Variants in POU2F1 observed in about 807,000 individuals in gnomAD.
The protein encoded by POU2F1 is POU domain, class 2, transcription factor 1.
POU2F1 carries 16 observed loss-of-function variants against 84.9 expected under a neutral mutation model. The ratio of observed to expected loss-of-function variants is 0.19; its 90% CI spans 0.13 to 0.29. The LOEUF is 0.29. POU2F1 is among the 10% of genes least tolerant of loss of function. The pLI, the probability that POU2F1 is intolerant of heterozygous loss-of-function variation, is 1.00. For synonymous variants in POU2F1, 368 were observed against 368.3 expected, an observed-to-expected ratio of 1.00 and a Z score of 0.01; for missense variants, 738 against 942.6, an observed-to-expected ratio of 0.78 and a Z score of 2.84.
chr1:167,357,073 A>C (rs1449430367), intron 2 of POU2F1, among the ~76,000 whole-genome samples: 1 of 152,084 alleles, frequency 6.6e-6, no homozygotes, highest in Non-Finnish European at 1.5e-5. Flanking sequence ...CCATTAGGAA[A>C]TGGCCTTTCC....
chr1:167,349,609 T>C (rs1320728482), intron 2 of POU2F1, among the ~76,000 whole-genome samples: 2 of 152,200 alleles, frequency 1.3e-5, no homozygotes, highest in Non-Finnish European at 2.9e-5. Flanking sequence ...AGTTAATGAA[T>C]AGGCCTGAGA....
intron 2 of POU2F1, among the ~76,000 whole-genome samples, chr1:167,354,789 G>A (rs1658828629): frequency 1.3e-5 from 2 of 152,104 alleles, no homozygotes; most frequent in Non-Finnish European, 2.9e-5. Flanking sequence ...CAAGCAGATT[G>A]AACATCTTTT....
At chr1:167,319,842 C>A (rs1006968540) in intron 1 of POU2F1, among the ~76,000 whole-genome samples, 1 of 152,088 alleles carries the variant, frequency 6.6e-6, no homozygotes, top group African/African-American at 2.4e-5. Context: ...GGATTAACTC[C>A]TCCTGTAAAA....
intron 1 of POU2F1, among the ~76,000 whole-genome samples, chr1:167,330,049 G>A (rs1656980565): frequency 6.6e-6 from 1 of 152,076 alleles, no homozygotes; most frequent in Non-Finnish European, 1.5e-5. Context: ...ATAAATCAAG[G>A]CACTTTGATT....
intron 8 of POU2F1, chr1:167,387,040 G>A (rs1648031970): frequency 5.2e-6 from 2 of 383,078 alleles, no homozygotes; most frequent in Non-Finnish European, 5.2e-6. Flanking sequence ...TGAATATGCT[G>A]AATGCAAGAG....
chr1:167,370,301 A>G (rs781390338), intron 4 of POU2F1, 87 bp downstream of exon 4: 293 of 1,110,654 alleles, frequency 2.6e-4, no homozygotes, highest in Non-Finnish European at 3.5e-4. Flanking sequence ...TATAATAGGA[A>G]ATGCTTAGAA....
intron 1 of POU2F1, among the ~76,000 whole-genome samples, chr1:167,300,606 A>G (rs908813261): frequency 6.6e-6 from 1 of 152,074 alleles, no homozygotes; most frequent in African/African-American, 2.4e-5. Context: ...CTGGGACTAC[A>G]GGTGCACGCC....
intron 6 of POU2F1, 47 bp downstream of exon 6, chr1:167,374,343 T>C: frequency 6.7e-7 from 1 of 1,502,132 alleles, no homozygotes; most frequent in Non-Finnish European, 8.9e-7. Flanking sequence ...AGGAATAAAG[T>C]GGCAGGTTTT....
At chr1:167,221,659 G>T (rs960051069) in intron 1 of POU2F1, among the ~76,000 whole-genome samples, 2 of 151,044 alleles carry the variant, frequency 1.3e-5, no homozygotes, top group East Asian at 2.0e-4. Context: ...GAGCCCGGGG[G>T]TCACGGCCCC....
chr1:167,405,454 G>A (rs999437116), intron 13 of POU2F1, among the ~76,000 whole-genome samples: 2 of 151,488 alleles, frequency 1.3e-5, no homozygotes, highest in African/African-American at 4.9e-5. Context: ...AAGGTGAAAG[G>A]ATCGCTTGGG....
At chr1:167,354,628 C>G (rs1463264223) in intron 2 of POU2F1, among the ~76,000 whole-genome samples, 1 of 152,124 alleles carries the variant, frequency 6.6e-6, no homozygotes, top group Non-Finnish European at 1.5e-5. Flanking sequence ...TCTAATGTTA[C>G]TTAGTACTGC....
intron 1 of POU2F1, among the ~76,000 whole-genome samples, chr1:167,242,240 C>T (rs1199149609): frequency 6.6e-6 from 1 of 152,162 alleles, no homozygotes; most frequent in East Asian, 1.9e-4. Flanking sequence ...TTCAAAGCCG[C>T]AATTTTGAGT....
intron 1 of POU2F1, among the ~76,000 whole-genome samples, chr1:167,229,939 T>C (rs1648933055): frequency 6.6e-6 from 1 of 152,230 alleles, no homozygotes; most frequent in Admixed American, 6.5e-5. Context: ...CTATGCATTA[T>C]TATCTTTACT....
intron 2 of POU2F1, among the ~76,000 whole-genome samples, chr1:167,335,377 T>C (rs1657376449): frequency 6.6e-6 from 1 of 152,190 alleles, no homozygotes; most frequent in Non-Finnish European, 1.5e-5. Flanking sequence ...TGTGTATGTT[T>C]ATAGGTCAGG....
At position 167,416,087 on chromosome 1, in the gene POU2F1, T is replaced by TAAAAAAAAA. The variant is rs34032944; in HGVS notation, c.*288_*296dup. On this transcript the variant is annotated 3_prime_UTR_variant, in exon 16 of 16. Transcript: ENST00000367866. ...ATTGGAGAACTTTCTAACCAAAAAT[T>TAAAAAAAAA]AAAAAAAAAAAAAAAAAAAGAAACA... The TAAAAAAAAA allele has an allele frequency of 4.8e-5, 17 of 351,654 alleles. No homozygotes were observed. The highest frequency in any genetic ancestry group is 1.6e-4 in the East Asian group (2 of 12,508). 21.8% of individuals were successfully genotyped at this position (351,654 alleles called of 1,614,324 possible).
chr1:167,285,121 G>C (rs934688697), intron 1 of POU2F1, among the ~76,000 whole-genome samples: 6 of 152,160 alleles, frequency 3.9e-5, no homozygotes, highest in African/African-American at 1.4e-4. Flanking sequence ...CACTTGTATA[G>C]CATTTGTATT....
chr1:167,375,286 G>T (rs1430533723), intron 6 of POU2F1, among the ~76,000 whole-genome samples: 1 of 152,082 alleles, frequency 6.6e-6, no homozygotes, highest in East Asian at 1.9e-4. Context: ...ATAAATATCA[G>T]ACTAGTCTTT....
intron 2 of POU2F1, among the ~76,000 whole-genome samples, chr1:167,336,628 A>G (rs1430473757): frequency 6.6e-6 from 1 of 152,166 alleles, no homozygotes; most frequent in East Asian, 1.9e-4. Context: ...ATTAAGTGTA[A>G]GGACGATTAT....
chr1:167,300,332 G>A (rs978789399), intron 1 of POU2F1, among the ~76,000 whole-genome samples: 3 of 152,034 alleles, frequency 2.0e-5, no homozygotes, highest in Non-Finnish European at 4.4e-5. Context: ...TCACTGTTTG[G>A]GTTATGGGTT....
Sources: gnomAD v4.1 joint callset for allele counts (sites outside exome capture counted in the v4.1 genomes callset) on GRCh38, gnomAD v4.1.1 for gene constraint, MANE v1.5 for transcripts, NCBI Gene and HGNC (gene_info 2026-07-23, HGNC 2026-07-21) for gene names.